RYR2: variants seen among roughly 807,000 people sequenced by gnomAD.
RYR2 encodes ryanodine receptor 2.
In RYR2, 227 loss-of-function variants were observed where a neutral mutation model predicts 601.1. The observed-to-expected ratio is 0.38, with a 90% confidence interval of 0.34 to 0.42. RYR2 has a LOEUF of 0.42. Ranked by LOEUF, RYR2 falls within the 10% of genes least tolerant of loss-of-function variation. RYR2 has a pLI of 1.00. For synonymous variants in RYR2, 2,223 were observed against 2,175.1 expected, an observed-to-expected ratio of 1.02 and a Z score of -0.61; for missense variants, 4,646 against 6,156.5, an observed-to-expected ratio of 0.75 and a Z score of 8.21.
intron 92 of RYR2, 89 bp from the exon 93 acceptor site, chr1:237,791,340 G>A (rs956248731): frequency 2.7e-6 from 2 of 734,752 alleles, no homozygotes; most frequent in Non-Finnish European, 4.9e-6. Flanking sequence ...CAATTGTTTG[G>A]GGTAAATGAA....
intron 1 of RYR2, among the ~76,000 whole-genome samples, chr1:237,139,893 G>A (rs1673197074): frequency 6.6e-6 from 1 of 152,236 alleles, no homozygotes; most frequent in South Asian, 2.1e-4. Flanking sequence ...GCAGTGCTGT[G>A]TGACGTGCTA....
At chr1:237,508,123 G>A (rs182819907) in intron 23 of RYR2, among the ~76,000 whole-genome samples, 2 of 152,002 alleles carry the variant, frequency 1.3e-5, no homozygotes, top group South Asian at 2.1e-4. Flanking sequence ...ACCACCACAC[G>A]TGGCTAATTT....
At chr1:237,793,275 G>GTCTA (rs1658680134) in intron 94 of RYR2, among the ~76,000 whole-genome samples, 3 of 152,144 alleles carry the variant, frequency 2.0e-5, no homozygotes, top group Non-Finnish European at 2.9e-5. Flanking sequence ...GAATATCAGT[G>GTCTA]TCTATCTGCT....
At chr1:237,494,886 G>A (rs1227656044) in intron 19 of RYR2, among the ~76,000 whole-genome samples, 6 of 152,090 alleles carry the variant, frequency 3.9e-5, no homozygotes, top group Admixed American at 1.3e-4. Flanking sequence ...TGCCTCCTGG[G>A]TTCAAGCCAT....
intron 2 of RYR2, among the ~76,000 whole-genome samples, chr1:237,289,875 T>C (rs557391190): frequency 2.6e-5 from 4 of 152,382 alleles, no homozygotes; most frequent in African/African-American, 9.6e-5. Flanking sequence ...TCTGATACTT[T>C]GGCATAAAAC....
chr1:237,489,748 A>G (rs1345939546), intron 17 of RYR2, among the ~76,000 whole-genome samples: 2 of 152,240 alleles, frequency 1.3e-5, no homozygotes, highest in Non-Finnish European at 2.9e-5. Flanking sequence ...AAAACTTAAC[A>G]GAGAACTACC....
chr1:237,431,072 T>A (rs1161043793), intron 12 of RYR2, among the ~76,000 whole-genome samples: 1 of 152,132 alleles, frequency 6.6e-6, no homozygotes, highest in Admixed American at 6.6e-5. Flanking sequence ...ACCACTCGAG[T>A]GTACAGGTTA....
chr1:237,760,859 T>G, intron 83 of RYR2, 96 bp from the exon 84 acceptor site: 1 of 708,516 alleles, frequency 1.4e-6, no homozygotes, highest in Non-Finnish European at 2.4e-6. Context: ...ATTTGCTTCA[T>G]CTTCCAAGAT....
At chr1:237,600,977 T>C (rs980258830) in intron 34 of RYR2, among the ~76,000 whole-genome samples, 3 of 152,130 alleles carry the variant, frequency 2.0e-5, no homozygotes, top group African/African-American at 7.2e-5. Flanking sequence ...GGGAAACCCA[T>C]ACACTGTTGG....
At chr1:237,722,876 C>G (rs1689866210) in intron 73 of RYR2, among the ~76,000 whole-genome samples, 1 of 135,148 alleles carries the variant, frequency 7.4e-6, no homozygotes, top group African/African-American at 2.5e-5. Context: ...CCTGTATGTG[C>G]TAAGAGCTCC....
intron 101 of RYR2, among the ~76,000 whole-genome samples, chr1:237,821,070 C>T (rs997345824): frequency 6.6e-6 from 1 of 152,202 alleles, no homozygotes; most frequent in Non-Finnish European, 1.5e-5. Flanking sequence ...GAGAGAGCAC[C>T]TGGGGAAAGG....
At chr1:237,464,361 C>T (rs1195730811) in intron 16 of RYR2, among the ~76,000 whole-genome samples, 2 of 152,076 alleles carry the variant, frequency 1.3e-5, no homozygotes, top group Non-Finnish European at 2.9e-5. Context: ...CACATCCTAA[C>T]TTCCATTCTC....
Position 237,680,352 on chromosome 1 carries a change from C to T in RYR2, c.8896-104C>T, listed in dbSNP as rs115495499. The T allele has an allele frequency of 2.9e-4, 242 of 848,132 alleles. No individual in the cohort carries two copies. In the African/African-American group the frequency reaches 3.8e-3, roughly 13 times the overall value. The allele number at this position is 848,132 out of a possible 1,614,324, so 52.5% of individuals were successfully genotyped here. The stretch of plus-strand genomic sequence containing the variant: ...CGTGCCTGGCATGGACATAAGGAGA[C>T]CTGTTGCATGTGAACAGAACTCTGA... On this transcript the variant is annotated intron_variant, in intron 61 of 104. Transcript: ENST00000366574.
chr1:237,097,372 T>C (rs1667603071), intron 1 of RYR2, among the ~76,000 whole-genome samples: 1 of 152,230 alleles, frequency 6.6e-6, no homozygotes, highest in South Asian at 2.1e-4. Context: ...TTGCTCATTC[T>C]TGTGTATTAA....
chr1:237,534,761 C>T (rs1317194741), intron 25 of RYR2, among the ~76,000 whole-genome samples: 2 of 151,746 alleles, frequency 1.3e-5, no homozygotes, highest in Non-Finnish European at 2.9e-5. Flanking sequence ...TTTTTCATGC[C>T]TTTATACTCT....
At chr1:237,428,231 C>T (rs1706399244) in intron 12 of RYR2, among the ~76,000 whole-genome samples, 3 of 152,104 alleles carry the variant, frequency 2.0e-5, no homozygotes, top group Admixed American at 2.0e-4. Context: ...TACAATTTGA[C>T]CCAGCGATCC....
intron 38 of RYR2, among the ~76,000 whole-genome samples, chr1:237,618,451 AG>A (rs1678717965): frequency 6.6e-6 from 1 of 152,180 alleles, no homozygotes; most frequent in East Asian, 1.9e-4. Flanking sequence ...AGAAGAAGAG[AG>A]GTTGGCTACA....
At chr1:237,228,455 TC>T (rs1263413512) in intron 1 of RYR2, among the ~76,000 whole-genome samples, 1 of 152,216 alleles carries the variant, frequency 6.6e-6, no homozygotes, top group African/African-American at 2.4e-5. Context: ...AGTATCTTTT[TC>T]GTATAATGCC....
chr1:237,159,261 AG>A (rs1268331531), intron 1 of RYR2, among the ~76,000 whole-genome samples: 1 of 152,148 alleles, frequency 6.6e-6, no homozygotes, highest in Non-Finnish European at 1.5e-5. Context: ...GTTGCACTCC[AG>A]CCTGGGCAAC....
Sources: allele counts gnomAD v4.1 joint callset (sites outside exome capture counted in the v4.1 genomes callset), GRCh38; gene constraint gnomAD v4.1.1; transcripts MANE v1.5; gene names NCBI Gene and HGNC (gene_info 2026-07-23, HGNC 2026-07-21).